Variants in TMEM278 observed in about 807,000 individuals in gnomAD.
TMEM278 encodes transmembrane protein 278.
chr1:1,427,660 C>T, the TMEM278 span: 3 of 1,341,376 alleles, frequency 2.2e-6, no homozygotes, highest in Non-Finnish European at 1.9e-6. Context: ...CTGGTGCTCG[C>T]CTCGGCCGTC....
At chr1:1,429,750 A>G in the TMEM278 span, among the ~76,000 whole-genome samples, 1 of 152,208 alleles carries the variant, frequency 6.6e-6, no homozygotes, top group Non-Finnish European at 1.5e-5. Flanking sequence ...CCCTAGGCAG[A>G]GAAACATACT....
chr1:1,426,096 C>A, the TMEM278 span: 1 of 1,358,984 alleles, frequency 7.4e-7, no homozygotes, highest in East Asian at 3.0e-5. Flanking sequence ...CATTGAGCAC[C>A]GCCCGGGCCA....
chr1:1,426,793 G>C, the TMEM278 span, among the ~76,000 whole-genome samples: 2 of 152,006 alleles, frequency 1.3e-5, no homozygotes, highest in Non-Finnish European at 2.9e-5. Context: ...CCCACCTGCA[G>C]AGTGGGCTGT....
At chr1:1,427,011 G>A in the TMEM278 span, among the ~76,000 whole-genome samples, 24 of 101,940 alleles carry the variant, frequency 2.4e-4, no homozygotes, top group African/African-American at 8.6e-4. Flanking sequence ...ACAGCGGCCC[G>A]CCCCCTCCCC....
the TMEM278 span, among the ~76,000 whole-genome samples, chr1:1,427,183 G>C: frequency 2.9e-4 from 34 of 115,988 alleles, no homozygotes; most frequent in African/African-American, 1.1e-3. Flanking sequence ...GCACCCCTCC[G>C]TCTCCCTTTG....
the TMEM278 span, among the ~76,000 whole-genome samples, chr1:1,428,442 G>A: frequency 6.6e-6 from 1 of 152,194 alleles, no homozygotes; most frequent in East Asian, 1.9e-4. Context: ...GCTCTCTCCG[G>A]GAGACACTAA....
At chr1:1,426,250 G>C in the TMEM278 span, 25 of 1,488,556 alleles carry the variant, frequency 1.7e-5, no homozygotes, top group Admixed American at 2.2e-5. Context: ...GCCCAGGGTG[G>C]TCGGGGCCCC....
chr1:1,426,225 C>T, the TMEM278 span: 16 of 1,429,380 alleles, frequency 1.1e-5, no homozygotes, highest in African/African-American at 2.4e-4. Flanking sequence ...GACCACCAGG[C>T]CTCAGCCCTG....
chr1:1,426,170 G>C, the TMEM278 span: 1 of 1,417,614 alleles, frequency 7.1e-7, no homozygotes, highest in Non-Finnish European at 9.2e-7. Context: ...GGAGGGGGGA[G>C]GTGGTGCTTC....
At chr1:1,429,993 T>C in the TMEM278 span, among the ~76,000 whole-genome samples, 1 of 152,206 alleles carries the variant, frequency 6.6e-6, no homozygotes, top group Non-Finnish European at 1.5e-5. Flanking sequence ...CCCAAGTAGC[T>C]GTGACTAGAG....
At chr1:1,428,066 GGAGGGGAGGGGAAGA>G in the TMEM278 span, among the ~76,000 whole-genome samples, 2 of 14,878 alleles carry the variant, frequency 1.3e-4, no homozygotes, top group Non-Finnish European at 2.9e-4. Context: ...GGAAGAGAGG[GGAGGGGAGGGGAAGA>G]GAGGGGAGGG....
the TMEM278 span, chr1:1,427,548 C>T: frequency 3.5e-6 from 4 of 1,141,842 alleles, no homozygotes; most frequent in Non-Finnish European, 4.2e-6. Context: ...CCCGCCCGGC[C>T]CCCAGGTCCA....
the TMEM278 span, chr1:1,425,992 C>A: frequency 1.6e-6 from 2 of 1,249,972 alleles, no homozygotes; most frequent in Non-Finnish European, 2.0e-6. Context: ...ACCTCCCTAG[C>A]CAGGGTCCAC....
chr1:1,429,493 A>C, the TMEM278 span, among the ~76,000 whole-genome samples: 28 of 152,176 alleles, frequency 1.8e-4, no homozygotes, highest in Middle Eastern at 3.4e-3. Context: ...TAGTTATTTT[A>C]TATTCTGTAC....
the TMEM278 span, among the ~76,000 whole-genome samples, chr1:1,425,911 T>C: frequency 2.0e-5 from 3 of 152,024 alleles, no homozygotes. Flanking sequence ...CTGGCGCTGC[T>C]GGAGCTGCAG....
the TMEM278 span, among the ~76,000 whole-genome samples, chr1:1,428,810 C>T: frequency 1.1e-4 from 16 of 152,240 alleles, no homozygotes; most frequent in Admixed American, 9.8e-4. Context: ...ATCATCCTGG[C>T]TAACACGGTG....
the TMEM278 span, among the ~76,000 whole-genome samples, chr1:1,429,131 T>C: frequency 6.6e-6 from 1 of 151,956 alleles, no homozygotes; most frequent in African/African-American, 2.4e-5. Context: ...ATCATGCCAT[T>C]GCACTCCAGC....
chr1:1,427,647 C>T, the TMEM278 span: 1 of 1,346,512 alleles, frequency 7.4e-7, no homozygotes. Context: ...GCTGCCGCCG[C>T]TGCTGGTGCT....
chr1:1,428,164 G>GGAGGGGAGGC, the TMEM278 span, among the ~76,000 whole-genome samples: 5 of 114,774 alleles, frequency 4.4e-5, no homozygotes, highest in African/African-American at 3.3e-5. Context: ...GGAGGTGAGG[G>GGAGGGGAGGC]AAAGAGAGGA....
Sources: allele counts gnomAD v4.1 joint callset (sites outside exome capture counted in the v4.1 genomes callset), GRCh38; gene constraint gnomAD v4.1.1; transcripts MANE v1.5; gene names NCBI Gene and HGNC (gene_info 2026-07-23, HGNC 2026-07-21).